The following HS3ST6 variants were observed in gnomAD, a reference collection of about 807,000 sequenced individuals.
HS3ST6 encodes heparan sulfate glucosamine 3-O-sulfotransferase 6.
A neutral mutation model predicts 11.0 loss-of-function variants in HS3ST6; 13 were observed. The observed-to-expected ratio is 1.18, with a 90% CI of 0.77 to 1.88. The LOEUF is 1.88. HS3ST6 is among the 40% of genes most tolerant of loss of function. The probability of loss-of-function intolerance (pLI) is 0.00; values close to 1 mark genes in which losing one functional copy is unlikely to be tolerated. For missense variants in HS3ST6, 541 were observed against 494.4 expected (o/e 1.09, Z -0.89); for synonymous variants, 232 against 230.6 (o/e 1.01, Z -0.06).
chr16:1,920,103 A>AGTCCCCACGGTCTCAGCC (rs1299579634), upstream of HS3ST6, among the ~76,000 whole-genome samples: 1 of 65,598 alleles, frequency 1.5e-5, no homozygotes, highest in Non-Finnish European at 3.1e-5. Context: ...GGGTCTCAGG[A>AGTCCCCACGGTCTCAGCC]GTCCCCACGG....
intron 1 of HS3ST6, among the ~76,000 whole-genome samples, chr16:1,914,958 C>G (rs2150844934): frequency 1.3e-5 from 2 of 152,322 alleles, no homozygotes; most frequent in South Asian, 4.1e-4. Flanking sequence ...GACTGCCCCC[C>G]TCCTTGTGGA....
rs1567296546 is a variant in HS3ST6, at chr16:1,911,550, CG to C, written c.*39del. On this transcript the variant is annotated 3_prime_UTR_variant, in exon 2 of 2. Transcript: ENST00000454677. Reference sequence around the variant, plus strand: ...ACGCAGCCCGCTCTGGCCAGGCGAGCGGGTGTCAATCAAGGTGCTGAGCATC... The same window carrying C: ...ACGCAGCCCGCTCTGGCCAGGCGAGCGGTGTCAATCAAGGTGCTGAGCATC... The C allele has an allele frequency of 6.5e-7, 1 of 1,530,470 alleles. No individual in the cohort carries two copies. The allele number at this position is 1,530,470 out of a possible 1,614,324, so 94.8% of individuals were successfully genotyped here. A position where few individuals can be genotyped will look rare whatever the true frequency, so the allele number is the denominator to read the frequency against.
Position 1,918,375 on chromosome 16 carries a change from C to A in HS3ST6, c.-52G>T. 4.7e-6 allele frequency: 1 copy of A among 212,238 alleles called. No homozygotes were observed. The highest frequency in any genetic ancestry group is 8.3e-6 in the Non-Finnish European group (1 of 121,084). 13.1% of individuals were successfully genotyped at this position (212,238 alleles called of 1,614,324 possible). A position where few individuals can be genotyped will look rare whatever the true frequency, so the allele number is the denominator to read the frequency against. The stretch of plus-strand genomic sequence containing the variant: ...GCGGGGGCAGCAGGCGGGCGCGCAT[C>A]TCGGCCCGCGCGCCGCTCAGTCCGT... On this transcript the variant is annotated 5_prime_UTR_variant, in exon 1 of 2. Transcript: ENST00000454677. This position sits in a 1 kb window ranked among gnomAD's most constrained non-coding sequence, Gnocchi z 6.0.
upstream of HS3ST6, among the ~76,000 whole-genome samples, chr16:1,920,030 G>A (rs556279942): frequency 2.6e-5 from 4 of 151,754 alleles, no homozygotes; most frequent in South Asian, 4.2e-4. Flanking sequence ...CACGGTCTCA[G>A]GAGTCCTCAC....
upstream of HS3ST6, among the ~76,000 whole-genome samples, chr16:1,918,704 A>G (rs928352440): frequency 9.9e-5 from 15 of 150,956 alleles, no homozygotes; most frequent in African/African-American, 3.7e-4. This position sits in a 1 kb window ranked among gnomAD's most constrained non-coding sequence, Gnocchi z 6.0. Context: ...GGGCAGGGAC[A>G]GGGCGGCGCG....
At chr16:1,917,288 A>C (rs2082932446) in intron 1 of HS3ST6, among the ~76,000 whole-genome samples, 1 of 151,690 alleles carries the variant, frequency 6.6e-6, no homozygotes, top group African/African-American at 2.4e-5. Flanking sequence ...AGGCTGCCGC[A>C]CCCCCACGTC....
At position 1,912,174 on chromosome 16, in the gene HS3ST6, T is replaced by A; in HGVS notation, c.445A>T (p.Ile149Phe). 1 of 1,463,468 alleles carries A rather than the reference T, an allele frequency of 6.8e-7. No individual in the cohort carries two copies. Among genetic ancestry groups the A allele is most frequent in the Non-Finnish European group, 9.0e-7 (1 of 1,108,492 alleles). The allele number at this position is 1,463,468 out of a possible 1,614,324, so 90.7% of individuals were successfully genotyped here. A position where few individuals can be genotyped will look rare whatever the true frequency, so the allele number is the denominator to read the frequency against. Reference protein sequence around the residue: ...SLMPRTLDGQITMEKTPSYFV... With the variant: ...SLMPRTLDGQFTMEKTPSYFV... Reference sequence around the variant, plus strand: ...TAGCTGGGGGTCTTCTCCATGGTGATCTGCCCATCCAGGGTTCGGGGCATC... The same window carrying A: ...TAGCTGGGGGTCTTCTCCATGGTGAACTGCCCATCCAGGGTTCGGGGCATC... Residue 149 changes from isoleucine (I) to phenylalanine (F), a missense_variant, in exon 2 of 2, where the codon ATC (isoleucine) becomes TTC (phenylalanine). Transcript: ENST00000454677. This position sits in a 1 kb window ranked among gnomAD's most constrained non-coding sequence, Gnocchi z 5.6.
Position 1,911,788 on chromosome 16 carries a change from G to C in HS3ST6, c.831C>G (p.His277Gln), listed in dbSNP as rs754460940. Reference sequence around the variant, plus strand: ...AGCCCTTGGTGGCGTTGAAGTAGAAGTGCTTGTCCGTGACGACCCGTTTCA... The same window carrying C: ...AGCCCTTGGTGGCGTTGAAGTAGAACTGCTTGTCCGTGACGACCCGTTTCA... ...LGLKRVVTDK[H>Q]FYFNATKGFP... Residue 277 changes from histidine (H) to glutamine (Q), a missense_variant, in exon 2 of 2, where the codon CAC (histidine) becomes CAG (glutamine). By Grantham distance (24) the His-to-Gln change is conservative. Transcript: ENST00000454677. 1 of 1,613,874 alleles carries C rather than the reference G, an allele frequency of 6.2e-7. No homozygotes were observed. The highest frequency in any genetic ancestry group is 8.5e-7 in the Non-Finnish European group (1 of 1,179,842).
chr16:1,916,797 G>A (rs1402667187), intron 1 of HS3ST6, among the ~76,000 whole-genome samples: 1 of 122,252 alleles, frequency 8.2e-6, no homozygotes, highest in East Asian at 2.6e-4. Flanking sequence ...CTTCTAGCTT[G>A]GTAGCCCCTC....
intron 1 of HS3ST6, among the ~76,000 whole-genome samples, chr16:1,916,239 T>G (rs572267182): frequency 1.3e-3 from 202 of 150,772 alleles, no homozygotes; most frequent in Non-Finnish European, 1.4e-3. Flanking sequence ...CACCGCCCAG[T>G]GAGGGGTCAG....
rs780433573 is a variant in HS3ST6, at chr16:1,911,965, T to C, written c.654A>G (p.Thr218=). The C allele has an allele frequency of 2.6e-6, 4 of 1,563,868 alleles. No homozygotes were observed. Among genetic ancestry groups the C allele is most frequent in the Non-Finnish European group, 3.5e-6 (4 of 1,153,904 alleles). The part of the protein sequence containing the change: ...AFRHGLGPVD[T]AWSAVRIGLY... ...GGCCGATGCGGACGGCGCTCCAGGC[T>C]GTGTCCACGGGGCCCAGGCCGTGGC... Residue 218 remains threonine, a synonymous_variant, in exon 2 of 2, where the codon ACA becomes ACG. Coordinates refer to ENST00000454677, the MANE Select transcript of HS3ST6 (RefSeq NM_001009606.4).
At chr16:1,914,246 G>A (rs1265224768) in intron 1 of HS3ST6, among the ~76,000 whole-genome samples, 3 of 152,158 alleles carry the variant, frequency 2.0e-5, no homozygotes, top group Admixed American at 6.5e-5. Context: ...TGGAACCCGC[G>A]TGGGAGCCGC....
At chr16:1,915,865 G>T (rs2150845470) in intron 1 of HS3ST6, among the ~76,000 whole-genome samples, 1 of 152,192 alleles carries the variant, frequency 6.6e-6, no homozygotes, top group East Asian at 1.9e-4. Context: ...AACTGCCGAG[G>T]CCACAGGAAG....
In HS3ST6 at chr16:1,912,319, G is replaced by C; in HGVS notation, c.414-114C>G. ...CGGGAAGCCCAGGCCTCCAGGGCGAGCAAGTCTTCCTCCCTGCTCGGGCCC... is the reference window on the plus strand; with the variant it reads ...CGGGAAGCCCAGGCCTCCAGGGCGACCAAGTCTTCCTCCCTGCTCGGGCCC... On this transcript the variant is annotated intron_variant, in intron 1 of 1. Coordinates refer to ENST00000454677, the MANE Select transcript of HS3ST6 (RefSeq NM_001009606.4). This position sits in a 1 kb window ranked among gnomAD's most constrained non-coding sequence, Gnocchi z 5.6. 1.0e-6 allele frequency: 1 copy of C among 993,988 alleles called. No homozygotes were observed. The highest frequency in any genetic ancestry group is 3.3e-5 in the East Asian group (1 of 30,658). The allele number at this position is 993,988 out of a possible 1,614,324, so 61.6% of individuals were successfully genotyped here.
chr16:1,917,228 T>C (rs1306067073), intron 1 of HS3ST6, among the ~76,000 whole-genome samples: 1 of 152,170 alleles, frequency 6.6e-6, no homozygotes, highest in Non-Finnish European at 1.5e-5. Context: ...CTGCAGGCGC[T>C]GGGTCCAAGC....
intron 1 of HS3ST6, among the ~76,000 whole-genome samples, chr16:1,915,840 G>A (rs1447694229): frequency 6.6e-6 from 1 of 152,226 alleles, no homozygotes; most frequent in African/African-American, 2.4e-5. Flanking sequence ...TATGGCCAAA[G>A]TCAATCCAGG....
At chr16:1,913,961 C>T (rs987699343) in intron 1 of HS3ST6, among the ~76,000 whole-genome samples, 1 of 152,168 alleles carries the variant, frequency 6.6e-6, no homozygotes, top group Non-Finnish European at 1.5e-5. Flanking sequence ...AGCCTTCCCA[C>T]CCCGCAGAAC....
At chr16:1,919,478 A>G (rs1349693904), upstream of HS3ST6, among the ~76,000 whole-genome samples, 1 of 152,126 alleles carries the variant, frequency 6.6e-6, no homozygotes, top group Non-Finnish European at 1.5e-5. Context: ...GTGGTATGAG[A>G]CCCGGGTCCT....
chr16:1,919,569 C>G (rs1324527123), upstream of HS3ST6, among the ~76,000 whole-genome samples: 1 of 152,262 alleles, frequency 6.6e-6, no homozygotes, highest in African/African-American at 2.4e-5. Context: ...AGAGGCCCAG[C>G]CTCTTCCCAG....
Sources: gnomAD v4.1 joint callset for allele counts (sites outside exome capture counted in the v4.1 genomes callset) on GRCh38, gnomAD v4.1.1 for gene constraint, Gnocchi (gnomAD v3.1) non-coding constraint, MANE v1.5 for transcripts, NCBI Gene and HGNC (gene_info 2026-07-23, HGNC 2026-07-21) for gene names.